The following POU2F3 variants were observed in gnomAD, a reference collection of about 807,000 sequenced individuals.
The protein encoded by POU2F3 is POU domain, class 2, transcription factor 3.
Under a neutral mutation model 59.2 loss-of-function variants are expected in POU2F3, and 23 were observed. That is an observed-to-expected ratio of 0.39 (90% CI 0.28 to 0.55). The LOEUF is 0.55. POU2F3 is among the 20% of genes least tolerant of loss of function. The probability of loss-of-function intolerance (pLI) is 0.66; values close to 1 mark genes in which losing one functional copy is unlikely to be tolerated. For missense variants in POU2F3, 473 were observed against 544.5 expected (o/e 0.87, Z 1.31); for synonymous variants, 190 against 214.6 (o/e 0.89, Z 1.00).
At chr11:120,256,508 T>A (rs1939350392) in intron 2 of POU2F3, 1 of 152,218 alleles carries the variant, frequency 6.6e-6, no homozygotes, top group Non-Finnish European at 1.5e-5. Context: ...ATACATTCAC[T>A]CGTGGTCAGC....
chr11:120,255,601 G>T (rs1939306472), intron 2 of POU2F3, among the ~76,000 whole-genome samples: 1 of 152,132 alleles, frequency 6.6e-6, no homozygotes, highest in Admixed American at 6.5e-5. Flanking sequence ...GCTGGCAAAT[G>T]TCGGCTCCAG....
upstream of POU2F3, among the ~76,000 whole-genome samples, chr11:120,239,862 C>T (rs1591366149): frequency 6.6e-6 from 1 of 152,372 alleles, no homozygotes; most frequent in East Asian, 1.9e-4. Flanking sequence ...AGCTCGGGCT[C>T]AGGCTGGAGA....
intron 2 of POU2F3, among the ~76,000 whole-genome samples, chr11:120,246,738 C>G (rs968983953): frequency 2.0e-5 from 3 of 152,128 alleles, no homozygotes; most frequent in Admixed American, 6.5e-5. Flanking sequence ...TGGAATTAGG[C>G]TAGGAAGAGA....
intron 3 of POU2F3, among the ~76,000 whole-genome samples, chr11:120,271,962 G>A (rs1467813122): frequency 3.3e-5 from 5 of 152,042 alleles, no homozygotes; most frequent in African/African-American, 1.2e-4. Context: ...ACTCAGGCTG[G>A]AGCTCTCCTC....
At chr11:120,245,173 A>T (rs558389195) in intron 1 of POU2F3, among the ~76,000 whole-genome samples, 1 of 152,198 alleles carries the variant, frequency 6.6e-6, no homozygotes, top group South Asian at 2.1e-4. Flanking sequence ...TGGATCCCCC[A>T]TCTATGTCTT....
At chr11:120,262,634 C>T (rs558818720) in intron 2 of POU2F3, among the ~76,000 whole-genome samples, 11 of 152,320 alleles carry the variant, frequency 7.2e-5, no homozygotes, top group African/African-American at 1.7e-4. Flanking sequence ...AATATGCACA[C>T]GCATTTTTAA....
chr11:120,269,033 G>A (rs756543149), intron 2 of POU2F3, among the ~76,000 whole-genome samples, 177 bp from the exon 3 acceptor site: 1 of 152,162 alleles, frequency 6.6e-6, no homozygotes, highest in African/African-American at 2.4e-5. Context: ...CCCTGGAGGA[G>A]ACTTTCCAAA....
upstream of POU2F3, chr11:120,236,743 C>CT: frequency 6.9e-7 from 1 of 1,443,046 alleles, no homozygotes; most frequent in Non-Finnish European, 9.4e-7. Context: ...TCTAGCTCAT[C>CT]TAACTGAAAT....
intron 3 of POU2F3, among the ~76,000 whole-genome samples, chr11:120,280,304 G>A (rs1385241088): frequency 1.3e-5 from 2 of 152,184 alleles, no homozygotes; most frequent in African/African-American, 4.8e-5. Context: ...CAGAGCAGTA[G>A]ATTTTATATT....
At chr11:120,305,528 T>G in intron 7 of POU2F3, 116 bp from the exon 8 acceptor site, 1 of 1,437,076 alleles carries the variant, frequency 7.0e-7, no homozygotes, top group South Asian at 1.3e-5. Context: ...CGAGCATGGG[T>G]GAGCACTCAA....
chr11:120,276,259 T>C (rs1364419590), intron 3 of POU2F3, among the ~76,000 whole-genome samples: 1 of 152,106 alleles, frequency 6.6e-6, no homozygotes, highest in Non-Finnish European at 1.5e-5. Flanking sequence ...CTTAGCTGAC[T>C]ATTAGGAAGA....
At chr11:120,309,049 C>T (rs1224114251) in intron 9 of POU2F3, among the ~76,000 whole-genome samples, 2 of 150,442 alleles carry the variant, frequency 1.3e-5, no homozygotes, top group African/African-American at 4.9e-5. Flanking sequence ...GGGGACTCTA[C>T]CTGCCCCACA....
At chr11:120,315,255 CA>C (rs1341584170) in intron 10 of POU2F3, 105 bp from the exon 11 acceptor site, 1 of 1,061,930 alleles carries the variant, frequency 9.4e-7, no homozygotes, top group East Asian at 2.4e-5. Context: ...CCAAGGAAGC[CA>C]AGCCCTGGTC....
At chr11:120,269,284 A>C in intron 3 of POU2F3, 40 bp downstream of exon 3, 1 of 1,525,674 alleles carries the variant, frequency 6.6e-7, no homozygotes, top group Non-Finnish European at 9.1e-7. Context: ...ATTCTATAAA[A>C]TTTGGGCATC....
At chr11:120,265,397 G>T (rs1010686219) in intron 2 of POU2F3, 2 of 152,230 alleles carry the variant, frequency 1.3e-5, no homozygotes, top group Non-Finnish European at 2.9e-5. Flanking sequence ...TCTCCCGGGA[G>T]GGCATGGCTG....
intron 2 of POU2F3, among the ~76,000 whole-genome samples, chr11:120,257,232 G>A (rs981385545): frequency 6.6e-6 from 1 of 152,158 alleles, no homozygotes. Context: ...CAGAGAAGGG[G>A]GATGATTTTC....
chr11:120,282,391 C>T (rs1940605024), intron 3 of POU2F3, among the ~76,000 whole-genome samples: 1 of 152,246 alleles, frequency 6.6e-6, no homozygotes, highest in African/African-American at 2.4e-5. Context: ...CACAGTGGCT[C>T]ATGCCTGTAA....
chr11:120,251,986 G>A (rs1002208796), intron 2 of POU2F3, among the ~76,000 whole-genome samples: 25 of 151,600 alleles, frequency 1.6e-4, no homozygotes, highest in African/African-American at 5.8e-4. Flanking sequence ...AGTAGAGACA[G>A]GGTTTCATCA....
rs777939631 is a variant in POU2F3 at position 120,246,513 on chromosome 11, G to C, written c.93G>C (p.Glu31Asp). The change falls in exon 2 of 13, where the codon GAG (glutamate) becomes GAC (aspartate). Residue 31 changes from glutamate to aspartate, a missense_variant. By Grantham distance (45) the Glu-to-Asp change is conservative. Coordinates refer to ENST00000543440, the MANE Select transcript of POU2F3 (RefSeq NM_014352.4). ...CTCGCAGCACTCTCAGCCAGGTGGA[G>C]CCAGGTAAGGGTCTTCTCTTCTCGG... Reference protein sequence around the residue: ...TDARSTLSQVEPGNDRNGLDF... With the variant: ...TDARSTLSQVDPGNDRNGLDF... 1 of 1,613,586 alleles carries C rather than the reference G, an allele frequency of 6.2e-7. No individual in the cohort carries two copies. The highest frequency in any genetic ancestry group is 1.3e-5 in the African/African-American group (1 of 74,840).
Sources: gnomAD v4.1 joint callset for allele counts (sites outside exome capture counted in the v4.1 genomes callset) on GRCh38, gnomAD v4.1.1 for gene constraint, MANE v1.5 for transcripts, NCBI Gene and HGNC (gene_info 2026-07-23, HGNC 2026-07-21) for gene names.